HTT: variants seen among roughly 807,000 people sequenced by gnomAD.
HTT encodes huntington disease protein.
Under a neutral mutation model 362.3 loss-of-function variants are expected in HTT, and 104 were observed. The observed-to-expected ratio is 0.29, with a 90% CI of 0.24 to 0.34. The LOEUF is 0.34. Among genes scored for constraint, HTT ranks in the 10% least tolerant of loss-of-function variants. HTT has a pLI of 1.00. For synonymous variants in HTT, 1,577 were observed against 1,548.7 expected (o/e 1.02, Z -0.43); for missense variants, 3,301 against 3,928.6 (o/e 0.84, Z 4.27).
Position 3,127,489 on chromosome 4 carries a change from A to T in HTT, c.1628A>T (p.Asp543Val), listed in dbSNP as rs749285754. 1.5e-5 allele frequency: 24 copies of T among 1,613,948 alleles called. No homozygotes were observed. The highest frequency in any genetic ancestry group is 2.0e-5 in the Non-Finnish European group (24 of 1,179,990). The change falls in exon 12 of 67, where the codon GAC (aspartate) becomes GTC (valine). Residue 543 changes from aspartate (D) to valine (V), a missense_variant. Asp to Val is a radical substitution (Grantham distance 152). Around this residue, in one of 4 missense-constraint regions of HTT, gnomAD observed 2,316 missense variants for 2,658.5 expected, o/e 0.87. Transcript: ENST00000355072. ...AGCCAGGTCAGCGCCGTCCCATCTG[A>T]CCCTGCCATGGACCTGAATGATGGG... is the stretch of plus-strand genomic sequence containing the variant. ...SSSQVSAVPS[D>V]PAMDLNDGTQ...
In HTT at chr4:3,127,418, C is replaced by G; in HGVS notation, c.1557C>G (p.Ser519Arg). 3 of 1,614,184 alleles carry G rather than the reference C, an allele frequency of 1.9e-6. No homozygotes were observed. Among genetic ancestry groups the G allele is most frequent in the Non-Finnish European group, 2.5e-6 (3 of 1,180,018 alleles). The change falls in exon 12 of 67, where the codon AGC (serine) becomes AGG (arginine). Residue 519 changes from serine (S) to arginine (R), a missense_variant. By Grantham distance (110) the Ser-to-Arg change is moderately radical. Transcript: ENST00000355072. ...ATCTGGCCAGCTGTGACTTGACAAG[C>G]TCTGCCACTGATGGGGATGAGGAGG... Reference protein sequence around the residue: ...SVDLASCDLTSSATDGDEEDI... With the variant: ...SVDLASCDLTRSATDGDEEDI...
chr4:3,127,121 T>A (rs1308732072), intron 11 of HTT, 143 bp from the exon 12 acceptor site: 7 of 644,194 alleles, frequency 1.1e-5, no homozygotes, highest in East Asian at 2.7e-5. Context: ...GATGCACTGC[T>A]GTCCTGCATT....
At chr4:3,229,794 A>G in intron 59 of HTT, 93 bp from the exon 60 acceptor site, 1 of 1,342,522 alleles carries the variant, frequency 7.4e-7, no homozygotes, top group Non-Finnish European at 1.1e-6. Flanking sequence ...TGGGTGTAAG[A>G]ACACGACTTG....
At position 3,175,003 on chromosome 4, in the gene HTT, C is replaced by G; in HGVS notation, c.4303C>G (p.Gln1435Glu). Residue 1435 changes from glutamine (Q) to glutamate (E), a missense_variant, in exon 33 of 67, where the codon CAG becomes GAG. Transcript: ENST00000355072. ...ACCTCTTGTTATAAAAGCTTTAAAA[C>G]AGTACACGACTACAACATGTGTGCA... ...FEPLVIKALK[Q>E]YTTTTCVQLQ... The G allele has an allele frequency of 1.2e-6, 2 of 1,612,402 alleles. No homozygotes were observed. Among genetic ancestry groups the G allele is most frequent in the Middle Eastern group, 1.7e-4 (1 of 6,056 alleles).
In HTT at chr4:3,185,451, C is replaced by T. The variant is rs571254365; in HGVS notation, c.4867-1146C>T. On this transcript the variant is annotated intron_variant, in intron 37 of 66. Transcript: ENST00000355072. ...GATGTGGCCAGTGTTGTGAGCTTCACATCTGTGCCTTGAAAAACACCACAT... is the reference window on the plus strand; with the variant it reads ...GATGTGGCCAGTGTTGTGAGCTTCATATCTGTGCCTTGAAAAACACCACAT... Among the ~76,000 whole-genome samples, 5 of 152,290 alleles carry T rather than the reference C, an allele frequency of 3.3e-5. No homozygotes were observed. In the East Asian group the frequency reaches 5.8e-4, roughly 18 times the overall value.
At chr4:3,145,064 T>G in intron 23 of HTT, 88 bp from the exon 24 acceptor site, 1 of 993,242 alleles carries the variant, frequency 1.0e-6, no homozygotes, top group East Asian at 2.4e-5. Context: ...TTCTCATTGT[T>G]TGTACTTTTT....
At chr4:3,139,002 A>G (rs1002647413) in intron 21 of HTT, among the ~76,000 whole-genome samples, 4 of 152,246 alleles carry the variant, frequency 2.6e-5, no homozygotes, top group African/African-American at 9.6e-5. Flanking sequence ...AAACGAAATA[A>G]TCTTTGTAAT....
intron 1 of HTT, among the ~76,000 whole-genome samples, chr4:3,077,092 C>T (rs1343289616): frequency 6.6e-6 from 1 of 152,004 alleles, no homozygotes; most frequent in Non-Finnish European, 1.5e-5. Context: ...GCAGGAAAAT[C>T]GCTTGAACCC....
chr4:3,148,356 A>C, intron 26 of HTT, 149 bp downstream of exon 26: 2 of 640,866 alleles, frequency 3.1e-6, no homozygotes, highest in African/African-American at 1.8e-5. Flanking sequence ...TTTAACATCA[A>C]AATGTGACCA....
intron 29 of HTT, among the ~76,000 whole-genome samples, chr4:3,168,889 G>C (rs1215403953): frequency 6.6e-6 from 1 of 152,090 alleles, no homozygotes; most frequent in Non-Finnish European, 1.5e-5. Context: ...TGGGTGATTT[G>C]ATAATGATAT....
Position 3,172,903 on chromosome 4 carries a change from T to C in HTT, c.3943-5T>C. 1.2e-6 allele frequency: 2 copies of C among 1,608,976 alleles called. No individual in the cohort carries two copies. Among genetic ancestry groups the C allele is most frequent in the Non-Finnish European group, 1.7e-6 (2 of 1,175,240 alleles). ...ATTGTTGATGCCTCATTTTTTTCAC[T>C]GTAGTTGTTGAAGACTCTCTTTGGC... On this transcript the variant is annotated splice_polypyrimidine_tract_variant and splice_region_variant and intron_variant, in intron 30 of 66. Transcript: ENST00000355072.
At position 3,206,925 on chromosome 4, in the gene HTT, G is replaced by A. The variant is rs762427543; in HGVS notation, c.6017G>A (p.Arg2006His). 17 of 1,614,004 alleles carry A rather than the reference G, an allele frequency of 1.1e-5. No homozygotes were observed. Among genetic ancestry groups the A allele is most frequent in the Admixed American group, 1.7e-5 (1 of 60,000 alleles). The change falls in exon 44 of 67, where the codon CGC becomes CAC. Residue 2006 changes from arginine (R) to histidine (H), a missense_variant. Coordinates refer to ENST00000355072, the MANE Select transcript of HTT (RefSeq NM_001388492.1). This position sits in a 1 kb window ranked among gnomAD's most constrained non-coding sequence, Gnocchi z 4.6. ...TGCACCCCTTTCCGTGTGCTGGCTC[G>A]CATGGTCGACATCCTTGCTTGTCGC... is the stretch of plus-strand genomic sequence containing the variant. ...LLCTPFRVLA[R>H]MVDILACRRV...
intron 1 of HTT, among the ~76,000 whole-genome samples, chr4:3,078,765 T>C (rs905294907): frequency 8.6e-5 from 13 of 150,970 alleles, no homozygotes; most frequent in Non-Finnish European, 1.3e-4. Flanking sequence ...GACGGAGTCT[T>C]GCTCTGTCGC....
rs748191542 is a variant in HTT at position 3,140,649 on chromosome 4, A to G, written c.2938A>G (p.Ile980Val). 6 of 1,614,012 alleles carry G rather than the reference A, an allele frequency of 3.7e-6. No individual in the cohort carries two copies. The highest frequency in any genetic ancestry group is 2.7e-5 in the African/African-American group (2 of 75,064). The change falls in exon 22 of 67, where the codon ATA becomes GTA. Residue 980 changes from isoleucine (I) to valine (V), a missense_variant. By Grantham distance (29) the Ile-to-Val change is conservative (BLOSUM62 3). Coordinates refer to ENST00000355072, the MANE Select transcript of HTT (RefSeq NM_001388492.1). ...QPPSHFSVST[I>V]TRIYRGYNLL... is the part of the protein sequence containing the mutation. ...TCCATCTCATTTCTCCGTCAGCACAATAACCAGGTATGCTGACCCAGTGGC... is the reference window on the plus strand; with the variant it reads ...TCCATCTCATTTCTCCGTCAGCACAGTAACCAGGTATGCTGACCCAGTGGC...
intron 21 of HTT, among the ~76,000 whole-genome samples, chr4:3,138,189 G>T (rs77508797): frequency 0.084 from 11,894 of 142,300 alleles, 602 homozygotes; most frequent in African/African-American, 0.16. Context: ...CCGCCTGCCT[G>T]CCTGCCTGCC....
At chr4:3,127,628 A>C in intron 12 of HTT, 24 bp downstream of exon 12, 1 of 1,529,008 alleles carries the variant, frequency 6.5e-7, no homozygotes, top group Non-Finnish European at 9.0e-7. Flanking sequence ...GGGGCCTGAC[A>C]TCTTTTTTTT....
intron 54 of HTT, among the ~76,000 whole-genome samples, 172 bp downstream of exon 54, chr4:3,222,659 G>T (rs1720734500): frequency 6.6e-6 from 1 of 152,218 alleles, no homozygotes; most frequent in African/African-American, 2.4e-5. Context: ...GACAAAGCCT[G>T]CTGAGGTCTG....
At chr4:3,087,824 G>A (rs368676957) in intron 2 of HTT, among the ~76,000 whole-genome samples, 2 of 152,142 alleles carry the variant, frequency 1.3e-5, no homozygotes, top group East Asian at 1.9e-4. Flanking sequence ...CTTGATTTTA[G>A]TACTGACAAA....
chr4:3,238,773 C>G (rs774334435), intron 65 of HTT, 45 bp from the exon 66 acceptor site: 2 of 1,438,108 alleles, frequency 1.4e-6, no homozygotes, highest in South Asian at 2.7e-5. Context: ...AGGTGCTTCC[C>G]GTCCCCCCAG....
Sources: allele counts gnomAD v4.1 joint callset (sites outside exome capture counted in the v4.1 genomes callset), GRCh38; gene constraint gnomAD v4.1.1; regional missense constraint gnomAD v4.1.1; non-coding constraint Gnocchi (gnomAD v3.1); transcripts MANE v1.5; gene names NCBI Gene and HGNC (gene_info 2026-07-23, HGNC 2026-07-21).